The following ROBO1 variants were observed in gnomAD, a reference collection of about 807,000 sequenced individuals.
ROBO1 encodes the protein roundabout guidance receptor 1.
A neutral mutation model predicts 195.9 loss-of-function variants in ROBO1; 149 were observed. The observed-to-expected ratio is 0.76, with a 90% CI of 0.67 to 0.87. The LOEUF (loss-of-function observed/expected upper bound fraction) is 0.87, where lower values mean the gene tolerates loss of function less well. Among genes scored for constraint, ROBO1 ranks in the 40% least tolerant of loss-of-function variants. ROBO1 has a pLI of 0.00. For synonymous variants in ROBO1, 816 were observed against 733.2 expected (o/e 1.11, Z -1.82); for missense variants, 1,933 against 2,068.3 (o/e 0.93, Z 1.27).
At chr3:78,893,442 C>A (rs1449501496) in intron 4 of ROBO1, among the ~76,000 whole-genome samples, 2 of 152,136 alleles carry the variant, frequency 1.3e-5, no homozygotes, top group African/African-American at 2.4e-5. Flanking sequence ...CTGGCTGATG[C>A]CTTGACCCTA....
chr3:79,702,106 G>A (rs376069771), intron 1 of ROBO1, among the ~76,000 whole-genome samples: 21 of 151,764 alleles, frequency 1.4e-4, no homozygotes, highest in Non-Finnish European at 2.2e-4. Context: ...AAATATCATC[G>A]TTGAAACTAG....
intron 2 of ROBO1, among the ~76,000 whole-genome samples, chr3:79,434,201 C>A (rs1171679018): frequency 3.3e-5 from 5 of 152,108 alleles, no homozygotes; most frequent in Non-Finnish European, 7.4e-5. Flanking sequence ...GCAGCAAAAG[C>A]CAAAATTGAC....
intron 2 of ROBO1, among the ~76,000 whole-genome samples, chr3:79,201,619 G>A (rs1158295445): frequency 6.6e-6 from 1 of 151,850 alleles, no homozygotes; most frequent in African/African-American, 2.4e-5. Context: ...TTTGGAGTTG[G>A]CCAGACCAAG....
At chr3:79,436,788 T>G (rs2038904228) in intron 2 of ROBO1, among the ~76,000 whole-genome samples, 1 of 152,066 alleles carries the variant, frequency 6.6e-6, no homozygotes, top group Non-Finnish European at 1.5e-5. Flanking sequence ...CTTCCTCATA[T>G]CAAAAAAGGC....
chr3:79,763,564 C>G (rs115099893), intron 1 of ROBO1, among the ~76,000 whole-genome samples: 8 of 152,112 alleles, frequency 5.3e-5, no homozygotes, highest in African/African-American at 1.9e-4. Flanking sequence ...GACACGTGTG[C>G]AGAAATGGAA....
chr3:79,364,807 A>G (rs2035905801), intron 2 of ROBO1, among the ~76,000 whole-genome samples: 1 of 152,198 alleles, frequency 6.6e-6, no homozygotes, highest in East Asian at 1.9e-4. Context: ...CTTTAGTTTA[A>G]CATGTTTAAA....
At chr3:79,622,541 A>G (rs1345139478) in intron 1 of ROBO1, among the ~76,000 whole-genome samples, 1 of 152,184 alleles carries the variant, frequency 6.6e-6, no homozygotes, top group Admixed American at 6.5e-5. Context: ...TTGTCCCCCA[A>G]CAGCCCAACA....
chr3:79,246,201 C>T (rs144220519), intron 2 of ROBO1, among the ~76,000 whole-genome samples: 1 of 152,186 alleles, frequency 6.6e-6, no homozygotes, highest in Non-Finnish European at 1.5e-5. Context: ...TAAAACATAA[C>T]TTATGAATGA....
intron 2 of ROBO1, among the ~76,000 whole-genome samples, chr3:79,354,681 G>A (rs2035474690): frequency 6.6e-6 from 1 of 152,048 alleles, no homozygotes; most frequent in Non-Finnish European, 1.5e-5. Flanking sequence ...ATTTCCTCCT[G>A]CGTCTATTTT....
At chr3:78,651,699 A>G in intron 19 of ROBO1, 33 bp downstream of exon 19, 2 of 1,479,842 alleles carry the variant, frequency 1.4e-6, no homozygotes, top group Non-Finnish European at 1.8e-6. Context: ...TTTTATAAAC[A>G]TTAAAATATG....
chr3:79,061,836 T>C (rs568260305), intron 3 of ROBO1, among the ~76,000 whole-genome samples: 5 of 152,242 alleles, frequency 3.3e-5, no homozygotes, highest in Admixed American at 2.6e-4. Context: ...TTACACCTTA[T>C]AGAAAAATTA....
chr3:78,824,403 T>C (rs756667722), intron 4 of ROBO1, among the ~76,000 whole-genome samples: 4 of 152,240 alleles, frequency 2.6e-5, no homozygotes, highest in Admixed American at 1.3e-4. Flanking sequence ...TTAAACAATC[T>C]AGTTAGAAAA....
chr3:79,590,314 A>G (rs1273460857), intron 1 of ROBO1, among the ~76,000 whole-genome samples: 1 of 151,794 alleles, frequency 6.6e-6, no homozygotes, highest in Non-Finnish European at 1.5e-5. Context: ...GAAATTAATC[A>G]TTCATTAAAC....
intron 4 of ROBO1, among the ~76,000 whole-genome samples, chr3:78,862,444 T>C (rs1361083164): frequency 6.6e-6 from 1 of 152,214 alleles, no homozygotes; most frequent in Non-Finnish European, 1.5e-5. Context: ...TCCAGTCTTA[T>C]CAGACCCTAA....
intron 3 of ROBO1, among the ~76,000 whole-genome samples, chr3:78,984,401 G>A (rs1013785688): frequency 6.6e-6 from 1 of 152,110 alleles, no homozygotes; most frequent in African/African-American, 2.4e-5. Flanking sequence ...GTAGATGAAG[G>A]GAGAGAAGCC....
At chr3:79,322,397 G>A (rs1430180251) in intron 2 of ROBO1, among the ~76,000 whole-genome samples, 1 of 152,114 alleles carries the variant, frequency 6.6e-6, no homozygotes, top group Non-Finnish European at 1.5e-5. Flanking sequence ...ATAAATGAGA[G>A]GCAAGCAGCC....
chr3:79,291,684 AG>A (rs1238793740), intron 2 of ROBO1, among the ~76,000 whole-genome samples: 1 of 152,200 alleles, frequency 6.6e-6, no homozygotes, highest in Non-Finnish European at 1.5e-5. Context: ...GGTTGTAAAT[AG>A]ATTATTGTTA....
chr3:79,465,693 G>A (rs1937919775), intron 2 of ROBO1, among the ~76,000 whole-genome samples: 2 of 152,068 alleles, frequency 1.3e-5, no homozygotes, highest in African/African-American at 4.8e-5. Flanking sequence ...CCATTGCAAT[G>A]TGGAGGGTCT....
At chr3:79,342,381 A>G (rs959932560) in intron 2 of ROBO1, among the ~76,000 whole-genome samples, 4 of 152,220 alleles carry the variant, frequency 2.6e-5, no homozygotes, top group African/African-American at 9.7e-5. Flanking sequence ...GAAGTTATAG[A>G]AAAAGGGAGA....
Sources: gnomAD v4.1 joint callset for allele counts (sites outside exome capture counted in the v4.1 genomes callset) on GRCh38, gnomAD v4.1.1 for gene constraint, MANE v1.5 for transcripts, NCBI Gene and HGNC (gene_info 2026-07-23, HGNC 2026-07-21) for gene names.